The following PCDHA1 variants were observed in gnomAD, a reference collection of about 807,000 sequenced individuals.
PCDHA1 encodes the protein protocadherin alpha-1.
Under a neutral mutation model 61.3 loss-of-function variants are expected in PCDHA1, and 42 were observed. The ratio of observed to expected loss-of-function variants is 0.69; its 90% CI spans 0.54 to 0.89. The LOEUF is 0.89. Among genes scored for constraint, PCDHA1 ranks in the 40% least tolerant of loss-of-function variants. The probability of loss-of-function intolerance (pLI) is 0.00; values close to 1 mark genes in which losing one functional copy is unlikely to be tolerated. For missense variants in PCDHA1, 1,256 were observed against 1,235.3 expected (o/e 1.02, Z -0.25); for synonymous variants, 610 against 553.8 (o/e 1.10, Z -1.43).
intron 1 of PCDHA1, chr5:140,802,579 C>T: frequency 1.9e-6 from 3 of 1,613,906 alleles, no homozygotes; most frequent in South Asian, 1.1e-5. Context: ...TCCGAGTACA[C>T]GGTGTTCGTG....
chr5:140,928,551 G>C, intron 1 of PCDHA1: 1 of 1,614,164 alleles, frequency 6.2e-7, no homozygotes, highest in Non-Finnish European at 8.5e-7. Context: ...ACAATTATCC[G>C]GTTATCTTGT....
chr5:140,969,509 C>T (rs1554231905), intron 1 of PCDHA1: 1 of 1,416,140 alleles, frequency 7.1e-7, no homozygotes, highest in Non-Finnish European at 9.4e-7. Context: ...AAAAATAGCA[C>T]TAAAGAATTG....
chr5:140,942,591 T>C (rs1180688838), intron 1 of PCDHA1, among the ~76,000 whole-genome samples: 1 of 147,516 alleles, frequency 6.8e-6, no homozygotes, highest in East Asian at 2.0e-4. Context: ...ATGTCACATA[T>C]AATTATAGTG....
intron 1 of PCDHA1, among the ~76,000 whole-genome samples, chr5:140,944,243 A>C (rs1202248629): frequency 2.6e-5 from 4 of 152,208 alleles, no homozygotes; most frequent in Non-Finnish European, 2.9e-5. Context: ...GCTGGAGTGC[A>C]GTGATGTGAT....
chr5:140,962,569 T>A (rs782016565), intron 1 of PCDHA1, among the ~76,000 whole-genome samples: 17 of 152,194 alleles, frequency 1.1e-4, no homozygotes, highest in African/African-American at 1.7e-4. Context: ...TAAAAGCCAA[T>A]TGTTAATGCC....
intron 1 of PCDHA1, chr5:140,848,937 C>G: frequency 1.2e-6 from 2 of 1,607,518 alleles, no homozygotes; most frequent in Non-Finnish European, 1.7e-6. Context: ...ATCCAGGCCG[C>G]TTGACTCTCG....
intron 1 of PCDHA1, among the ~76,000 whole-genome samples, chr5:140,897,090 C>G (rs1420408825): frequency 6.6e-6 from 1 of 151,950 alleles, no homozygotes; most frequent in Non-Finnish European, 1.5e-5. Context: ...ATTTTTTATC[C>G]TCATTAAAAA....
chr5:140,922,647 A>G (rs568444047), intron 1 of PCDHA1, among the ~76,000 whole-genome samples: 35 of 152,262 alleles, frequency 2.3e-4, no homozygotes, highest in Non-Finnish European at 4.6e-4. Context: ...ATCAAACAGT[A>G]AATATGGCTA....
At chr5:140,960,299 A>G (rs246005) in intron 1 of PCDHA1, among the ~76,000 whole-genome samples, 1 of 151,808 alleles carries the variant, frequency 6.6e-6, no homozygotes. Flanking sequence ...TTTCTTCATC[A>G]ATACCAACCT....
chr5:140,857,804 G>A, intron 1 of PCDHA1: 1 of 1,597,858 alleles, frequency 6.3e-7, no homozygotes, highest in Non-Finnish European at 8.6e-7. Context: ...GTCGGTGGTT[G>A]CGGGTCACGT....
chr5:140,889,583 G>C (rs1373487919), intron 1 of PCDHA1, among the ~76,000 whole-genome samples: 1 of 151,554 alleles, frequency 6.6e-6, no homozygotes, highest in African/African-American at 2.4e-5. Context: ...TTTTGTTTTT[G>C]CTTTGAAATA....
At chr5:140,841,445 G>C (rs1777235481) in intron 1 of PCDHA1, 6 of 1,612,934 alleles carry the variant, frequency 3.7e-6, no homozygotes, top group South Asian at 1.1e-5. Flanking sequence ...GGCCAAACAC[G>C]GCACCTTCGT....
At chr5:140,796,650 G>A (rs527830690) in intron 1 of PCDHA1, 8 of 1,613,800 alleles carry the variant, frequency 5.0e-6, no homozygotes, top group Middle Eastern at 3.3e-4. Context: ...ACGACAACGC[G>A]CCGGCACTGT....
chr5:140,876,868 G>T, intron 1 of PCDHA1: 1 of 1,614,160 alleles, frequency 6.2e-7, no homozygotes, highest in Non-Finnish European at 8.5e-7. Flanking sequence ...GTTCGTGAAG[G>T]AGAACAACCC....
intron 1 of PCDHA1, chr5:140,858,429 C>G (rs1554151596): frequency 6.5e-7 from 1 of 1,548,730 alleles, no homozygotes; most frequent in African/African-American, 1.4e-5. Flanking sequence ...GGGGACCACT[C>G]TAGGAAGGTG....
chr5:140,982,441 T>G (rs368663739), intron 2 of PCDHA1, 34 bp from the exon 3 acceptor site: 18 of 1,613,728 alleles, frequency 1.1e-5, no homozygotes, highest in Non-Finnish European at 1.5e-5. Flanking sequence ...GAATTTATGA[T>G]CTAACCGTTA....
At chr5:140,876,062 G>T in intron 1 of PCDHA1, 1 of 1,613,842 alleles carries the variant, frequency 6.2e-7, no homozygotes, top group Non-Finnish European at 8.5e-7. Context: ...TTAGTTCTTC[G>T]GAAGTTATTG....
chr5:140,893,050 A>T (rs967159859), intron 1 of PCDHA1, among the ~76,000 whole-genome samples: 1 of 152,248 alleles, frequency 6.6e-6, no homozygotes, highest in Non-Finnish European at 1.5e-5. Context: ...CTCCAGGCTC[A>T]GCCATACTGC....
chr5:140,976,395 T>G (rs973484895), intron 1 of PCDHA1, among the ~76,000 whole-genome samples: 1 of 151,734 alleles, frequency 6.6e-6, no homozygotes, highest in Middle Eastern at 3.4e-3. Flanking sequence ...TACTAAAAAT[T>G]CAAAAATTAG....
Sources: allele counts gnomAD v4.1 joint callset (sites outside exome capture counted in the v4.1 genomes callset), GRCh38; gene constraint gnomAD v4.1.1; transcripts MANE v1.5; gene names NCBI Gene and HGNC (gene_info 2026-07-23, HGNC 2026-07-21).